The following PIAS1 variants were observed in gnomAD, a reference collection of about 807,000 sequenced individuals.
PIAS1 encodes E3 SUMO-protein ligase PIAS1.
A neutral mutation model predicts 71.3 loss-of-function variants in PIAS1; 6 were observed. The observed-to-expected ratio is 0.08, with a 90% confidence interval of 0.05 to 0.17. The LOEUF is 0.17. PIAS1 is among the 10% of genes least tolerant of loss of function. The probability of loss-of-function intolerance (pLI) is 1.00; values close to 1 mark genes in which losing one functional copy is unlikely to be tolerated. For missense variants in PIAS1, 555 were observed against 793.6 expected (o/e 0.70, Z 3.61); for synonymous variants, 303 against 292.9 (o/e 1.03, Z -0.35).
chr15:68,116,033 A>G (rs893910980), intron 2 of PIAS1, among the ~76,000 whole-genome samples: 1 of 152,056 alleles, frequency 6.6e-6, no homozygotes, highest in Non-Finnish European at 1.5e-5. Context: ...CCAAAGTAGT[A>G]CTGGCTTCAT....
At chr15:68,166,154 ATCTT>A (rs2092956677) in intron 8 of PIAS1, among the ~76,000 whole-genome samples, 1 of 152,116 alleles carries the variant, frequency 6.6e-6, no homozygotes, top group Admixed American at 6.5e-5. Flanking sequence ...TTGTGTATAT[ATCTT>A]TCTATTCCTG....
chr15:68,159,282 T>G (rs1412005987), intron 7 of PIAS1, among the ~76,000 whole-genome samples: 1 of 152,172 alleles, frequency 6.6e-6, no homozygotes, highest in African/African-American at 2.4e-5. Flanking sequence ...TTACTTTATT[T>G]TTTCTTCATA....
intron 10 of PIAS1, 107 bp from the exon 11 acceptor site, chr15:68,176,367 C>T: frequency 1.6e-6 from 1 of 642,314 alleles, no homozygotes; most frequent in Non-Finnish European, 2.4e-6. Context: ...TCTCTGGCTC[C>T]AACAATATTG....
intron 1 of PIAS1, among the ~76,000 whole-genome samples, chr15:68,069,973 T>C (rs1452403927): frequency 6.6e-6 from 1 of 152,204 alleles, no homozygotes; most frequent in Non-Finnish European, 1.5e-5. Context: ...GAATTAACAA[T>C]GTTAAATGCA....
chr15:68,100,078 T>G (rs1417634165), intron 2 of PIAS1, among the ~76,000 whole-genome samples: 3 of 149,158 alleles, frequency 2.0e-5, no homozygotes, highest in Non-Finnish European at 4.4e-5. Context: ...TCTTCCAGTC[T>G]GTAGCTTGTA....
chr15:68,110,351 T>C (rs1185950038), intron 2 of PIAS1, among the ~76,000 whole-genome samples: 8 of 152,098 alleles, frequency 5.3e-5, no homozygotes, highest in Non-Finnish European at 1.2e-4. Context: ...TCCCAGCACT[T>C]TGGGAGGCCG....
At chr15:68,079,498 ACT>A (rs1365685801) in intron 1 of PIAS1, among the ~76,000 whole-genome samples, 2 of 151,916 alleles carry the variant, frequency 1.3e-5, no homozygotes, top group African/African-American at 2.4e-5. Context: ...ACAGTGTCTC[ACT>A]CTGTTGCCTA....
At chr15:68,115,989 T>C (rs1231391583) in intron 2 of PIAS1, among the ~76,000 whole-genome samples, 3 of 152,118 alleles carry the variant, frequency 2.0e-5, no homozygotes, top group Non-Finnish European at 4.4e-5. Flanking sequence ...GTTGGTAATT[T>C]TTTGTCTAAT....
chr15:68,142,700 A>C (rs1595761874), intron 4 of PIAS1, among the ~76,000 whole-genome samples: 5 of 132,616 alleles, frequency 3.8e-5, no homozygotes, highest in Admixed American at 2.9e-4. Context: ...GATTGCCCTC[A>C]GTTGGTTGAG....
intron 2 of PIAS1, among the ~76,000 whole-genome samples, chr15:68,121,263 GT>G (rs71455578): frequency 0.42 from 58,702 of 139,504 alleles, 12,607 homozygotes; most frequent in East Asian, 0.78. Flanking sequence ...ATGTTTTTTT[GT>G]TTTTTTTTTT....
intron 11 of PIAS1, among the ~76,000 whole-genome samples, chr15:68,179,473 A>T (rs2093039026): frequency 6.7e-6 from 1 of 148,150 alleles, no homozygotes; most frequent in Non-Finnish European, 1.5e-5. Context: ...AGTGTGTTTT[A>T]TGCTTCATAT....
chr15:68,080,139 T>A (rs2092214552), intron 1 of PIAS1, among the ~76,000 whole-genome samples: 1 of 152,194 alleles, frequency 6.6e-6, no homozygotes, highest in South Asian at 2.1e-4. Context: ...GCTGGATTTG[T>A]TATTTTTAAT....
chr15:68,066,370 A>G (rs2092026300), intron 1 of PIAS1, among the ~76,000 whole-genome samples: 1 of 152,080 alleles, frequency 6.6e-6, no homozygotes, highest in Non-Finnish European at 1.5e-5. Context: ...CAGCCTCCCA[A>G]AGTGCTGGGA....
At chr15:68,158,811 TAAC>T (rs901092927) in intron 7 of PIAS1, among the ~76,000 whole-genome samples, 3 of 152,140 alleles carry the variant, frequency 2.0e-5, no homozygotes, top group Non-Finnish European at 4.4e-5. Context: ...CTTGAAATAA[TAAC>T]AACCCCAGAA....
At chr15:68,064,949 C>T (rs572822396) in intron 1 of PIAS1, among the ~76,000 whole-genome samples, 12 of 152,110 alleles carry the variant, frequency 7.9e-5, no homozygotes, top group South Asian at 2.1e-4. Flanking sequence ...TTTGCCATGT[C>T]GCCCAGGCTG....
intron 2 of PIAS1, among the ~76,000 whole-genome samples, chr15:68,124,812 C>T (rs1169607373): frequency 1.3e-5 from 2 of 152,120 alleles, no homozygotes; most frequent in African/African-American, 4.8e-5. Flanking sequence ...ATCCCATGTT[C>T]TCATATTCTA....
intron 11 of PIAS1, 55 bp downstream of exon 11, chr15:68,176,709 T>G: frequency 8.2e-7 from 1 of 1,223,294 alleles, no homozygotes; most frequent in Non-Finnish European, 1.1e-6. Context: ...ACTTGGCAAA[T>G]AGGGATTAAA....
At chr15:68,155,361 A>G (rs767193670) in intron 7 of PIAS1, among the ~76,000 whole-genome samples, 1 of 151,300 alleles carries the variant, frequency 6.6e-6, no homozygotes, top group African/African-American at 2.4e-5. Context: ...AGGGAAGCCA[A>G]TGGAATATTA....
In PIAS1 at chr15:68,119,237, C is replaced by CAAAAAAAAAAAAAAAAA. The variant is rs60879036; in HGVS notation, c.470-22698_470-22682dup. 2.6e-4 allele frequency among the ~76,000 whole-genome samples: 7 copies of CAAAAAAAAAAAAAAAAA among 27,408 alleles called. 2 individuals carry two copies. The highest frequency in any genetic ancestry group is 5.8e-4 in the African/African-American group (4 of 6,904). 18.0% of individuals were successfully genotyped at this position (27,408 alleles called of 152,430 possible). A position where few individuals can be genotyped will look rare whatever the true frequency, so the allele number is the denominator to read the frequency against. ...CAACATGGTGAAACCCCATCTCTAC[C>CAAAAAAAAAAAAAAAAA]AAAAAAAAAAAAAAAAAAAAAAAAA... On this transcript the variant is annotated intron_variant, in intron 2 of 13. Transcript: ENST00000249636.
Sources: allele counts gnomAD v4.1 joint callset (sites outside exome capture counted in the v4.1 genomes callset), GRCh38; gene constraint gnomAD v4.1.1; transcripts MANE v1.5; gene names NCBI Gene and HGNC (gene_info 2026-07-23, HGNC 2026-07-21).